Variants in DUS3L observed in about 807,000 individuals in gnomAD.
DUS3L encodes tRNA-dihydrouridine(47) synthase [NAD(P)(+)]-like.
DUS3L carries 62 observed loss-of-function variants against 74.6 expected under a neutral mutation model. The ratio of observed to expected loss-of-function variants is 0.83; its 90% confidence interval spans 0.68 to 1.03. The LOEUF (loss-of-function observed/expected upper bound fraction) is 1.03, where lower values mean the gene tolerates loss of function less well. DUS3L is among the 50% of genes least tolerant of loss of function. DUS3L has a pLI of 0.00. For synonymous variants in DUS3L, 433 were observed against 395.7 expected (o/e 1.09, Z -1.12); for missense variants, 884 against 924.4 (o/e 0.96, Z 0.57).
Position 5,785,748 on chromosome 19 carries a change from G to A in DUS3L, c.1606C>T (p.Gln536Ter). ...GACGACGAGATGTCCCAGTGCCGCT[G>A]CTCCTTGATCTCCGTGAAGAGCCAC... Reference protein sequence around the residue: ...KPWLFTEIKEQRHWDISSSER... With the variant: ...KPWLFTEIKE The change falls in exon 11 of 13, where the codon CAG becomes TAG. Residue 536 changes from glutamine (Q) to a stop codon, truncating the protein, a stop_gained. Coordinates refer to ENST00000309061, the MANE Select transcript of DUS3L (RefSeq NM_020175.3). LOFTEE classifies it high-confidence loss of function. The A allele has an allele frequency of 6.2e-7, 1 of 1,610,270 alleles. No individual in the cohort carries two copies. Among genetic ancestry groups the A allele is most frequent in the South Asian group, 1.1e-5 (1 of 90,672 alleles).
chr19:5,788,662 G>A (rs1003084488), intron 3 of DUS3L, among the ~76,000 whole-genome samples: 3 of 150,006 alleles, frequency 2.0e-5, no homozygotes, highest in South Asian at 2.1e-4. Flanking sequence ...TTTGTCCCCC[G>A]CTGCCCGACC....
intron 1 of DUS3L, 41 bp from the exon 2 acceptor site, chr19:5,790,376 C>A: frequency 6.2e-7 from 1 of 1,609,562 alleles, no homozygotes; most frequent in South Asian, 1.1e-5. Flanking sequence ...CGAACATAGT[C>A]AATAAACACT....
In DUS3L at chr19:5,789,200, C is replaced by T. The variant is rs201851480; in HGVS notation, c.900+7G>A. The T allele has an allele frequency of 3.3e-6, 5 of 1,525,320 alleles. No homozygotes were observed. The highest frequency in any genetic ancestry group is 3.5e-6 in the Non-Finnish European group (4 of 1,139,432). 94.5% of individuals were successfully genotyped at this position (1,525,320 alleles called of 1,614,324 possible). A position where few individuals can be genotyped will look rare whatever the true frequency, so the allele number is the denominator to read the frequency against. The stretch of plus-strand genomic sequence containing the variant: ...GATCTGCTACTGACGTTGTCCTCAA[C>T]ACGTACCCGCTTCTTCTCACAGGGC... On this transcript the variant is annotated splice_region_variant and intron_variant, in intron 3 of 12. Transcript: ENST00000309061.
chr19:5,788,176 A>G lies in DUS3L; in HGVS notation c.943T>C (p.Cys315Arg), dbSNP rs775009437. The change falls in exon 5 of 13, where the codon TGT becomes CGT. Residue 315 changes from cysteine (C) to arginine (R), a missense_variant and splice_region_variant. Coordinates refer to ENST00000309061, the MANE Select transcript of DUS3L (RefSeq NM_020175.3). ...GKLYLAPLTT[C>R]GNLPFRRICK... is the part of the protein sequence containing the mutation. ...ATCCGTCGGAAGGGCAGGTTCCCAC[A>G]CTGCGGGGGGAGCAGGACAGACACA... 4 of 1,613,388 alleles carry G rather than the reference A, an allele frequency of 2.5e-6. No individual in the cohort carries two copies. Among genetic ancestry groups the G allele is most frequent in the Non-Finnish European group, 3.4e-6 (4 of 1,180,010 alleles).
rs776687007 is a variant in DUS3L at position 5,789,626 on chromosome 19, G to A, written c.481C>T (p.Arg161Cys). ...LETKPADLGP[R>C]CVLFETFGRC... is the part of the protein sequence containing the mutation. ...CCGAAGGTCTCGAAGAGCACGCAGC[G>A]GGGGCCCAGGTCGGCCGGCTTGGTC... is the stretch of plus-strand genomic sequence containing the variant. The change falls in exon 3 of 13, where the codon CGC becomes TGC. Residue 161 changes from arginine to cysteine, a missense_variant. Coordinates refer to ENST00000309061, the MANE Select transcript of DUS3L (RefSeq NM_020175.3). 2 of 1,602,302 alleles carry A rather than the reference G, an allele frequency of 1.2e-6. No individual in the cohort carries two copies. Among genetic ancestry groups the A allele is most frequent in the African/African-American group, 1.3e-5 (1 of 74,856 alleles).
rs942516959 is a variant in DUS3L, at chr19:5,788,705, C to CTT, written c.901-309_901-308dup. ...TCTGAGACTTAGAGTGTGTCCAGCT[C>CTT]TTTTTTTTTTTTTTTTTTTGAGATA... On this transcript the variant is annotated intron_variant, in intron 3 of 12. Transcript: ENST00000309061. 4.1e-3 allele frequency among the ~76,000 whole-genome samples: 518 copies of CTT among 127,682 alleles called. 1 individual carries two copies. The highest frequency in any genetic ancestry group is 6.1e-3 in the Non-Finnish European group (377 of 61,472). 83.8% of individuals were successfully genotyped at this position (127,682 alleles called of 152,430 possible). A position where few individuals can be genotyped will look rare whatever the true frequency, so the allele number is the denominator to read the frequency against.
rs1420867116 is a variant in DUS3L at position 5,789,513 on chromosome 19, GGCC to G, written c.591_593del (p.Ala198del). Reference sequence around the variant, plus strand: ...GGATGGACGGGGGCTGGGTCCCGCGGGCCGCCAACTCCTCCTGCACCAGGTTCT... The same window carrying G: ...GGATGGACGGGGGCTGGGTCCCGCGGGCCAACTCCTCCTGCACCAGGTTCT... On this transcript the variant is annotated inframe_deletion, in exon 3 of 13. Transcript: ENST00000309061. The G allele has an allele frequency of 5.0e-6, 8 of 1,605,028 alleles. No individual in the cohort carries two copies. The highest frequency in any genetic ancestry group is 1.7e-5 in the Admixed American group (1 of 59,386).
In DUS3L at chr19:5,785,617, C is replaced by A; in HGVS notation, c.1737G>T (p.Leu579=). 6.2e-7 allele frequency: 1 copy of A among 1,607,136 alleles called. No homozygotes were observed. The highest frequency in any genetic ancestry group is 8.5e-7 in the Non-Finnish European group (1 of 1,176,784). The change falls in exon 11 of 13, where the codon CTG becomes CTT. Residue 579 remains leucine (L), a synonymous_variant. Coordinates refer to ENST00000309061, the MANE Select transcript of DUS3L (RefSeq NM_020175.3). Reference sequence around the variant, plus strand: ...CCGGTGCCCACCGGCACAGGAAGGACAGCCACTCGAGCAGAAAGCGCCGGG... The same window carrying A: ...CCGGTGCCCACCGGCACAGGAAGGAAAGCCACTCGAGCAGAAAGCGCCGGG... ...EKTRRFLLEW[L]SFLCRYVPVG... is the part of the protein sequence containing the mutation.
intron 3 of DUS3L, 70 bp downstream of exon 3, chr19:5,789,137 A>C (rs2056883289): frequency 6.7e-7 from 1 of 1,490,828 alleles, no homozygotes; most frequent in Non-Finnish European, 8.9e-7. Flanking sequence ...AGGAACGTGG[A>C]CACAGCTGGT....
At chr19:5,789,998 A>G in intron 2 of DUS3L, 49 bp downstream of exon 2, 1 of 1,601,942 alleles carries the variant, frequency 6.2e-7, no homozygotes, top group Non-Finnish European at 8.5e-7. Flanking sequence ...CAGGAAACAC[A>G]CCCTGCTCCT....
chr19:5,785,862 G>A, intron 10 of DUS3L, 71 bp from the exon 11 acceptor site: 1 of 1,461,356 alleles, frequency 6.8e-7, no homozygotes, highest in Non-Finnish European at 9.1e-7. Flanking sequence ...CTGCTTCCAT[G>A]GCCTGGCCTG....
chr19:5,791,080 C>T lies in DUS3L; in HGVS notation c.62G>A (p.Gly21Glu), dbSNP rs777172773. ...ENGGGGDSGAGALERGVAPIK... is the reference protein window; with the variant it reads ...ENGGGGDSGAEALERGVAPIK... ...GGGCGCCACTCCTCGTTCCAAAGCTCCGGCTCCCGAGTCGCCACCACCACC... is the reference window on the plus strand; with the variant it reads ...GGGCGCCACTCCTCGTTCCAAAGCTTCGGCTCCCGAGTCGCCACCACCACC... Residue 21 changes from glycine to glutamate, a missense_variant, in exon 1 of 13, where the codon GGA becomes GAA. Coordinates refer to ENST00000309061, the MANE Select transcript of DUS3L (RefSeq NM_020175.3). 1.2e-6 allele frequency: 2 copies of T among 1,607,998 alleles called. No homozygotes were observed. The highest frequency in any genetic ancestry group is 1.7e-6 in the Non-Finnish European group (2 of 1,177,802).
intron 11 of DUS3L, 40 bp from the exon 12 acceptor site, chr19:5,785,551 C>T (rs1052785756): frequency 4.0e-5 from 63 of 1,558,224 alleles, no homozygotes; most frequent in Non-Finnish European, 5.2e-5. Context: ...TGAGTCAGCT[C>T]TAACCAGCCG....
rs2056863923 is a variant in DUS3L, at chr19:5,787,355, C to T, written c.1219G>A (p.Gly407Ser). The T allele has an allele frequency of 6.2e-7, 1 of 1,609,286 alleles. No individual in the cohort carries two copies. The highest frequency in any genetic ancestry group is 2.2e-5 in the East Asian group (1 of 44,644). Reference protein sequence around the residue: ...PIDLVYKKGGGCALMNRSTKF... With the variant: ...PIDLVYKKGGSCALMNRSTKF... ...GTGGAGCGATTCATGAGGGCACAGC[C>T]CCCACCCTGGAAGAGACAGGCGGGT... Residue 407 changes from glycine (G) to serine (S), a missense_variant, in exon 7 of 13, where the codon GGC becomes AGC. Gly to Ser is a moderately conservative substitution (Grantham distance 56). Coordinates refer to ENST00000309061, the MANE Select transcript of DUS3L (RefSeq NM_020175.3).
rs1275705037 is a variant in DUS3L, at chr19:5,787,919, G to A, written c.1095+105C>T. ...AGGGCATCACCCCCACTCCACAGCT[G>A]AGGCCAGGGGGTCAGGGAGGCAACC... On this transcript the variant is annotated intron_variant, in intron 5 of 12. Transcript: ENST00000309061. 1.4e-5 allele frequency: 22 copies of A among 1,530,714 alleles called. No individual in the cohort carries two copies. In the East Asian group the frequency reaches 2.1e-4, roughly 15 times the overall value. The allele number at this position is 1,530,714 out of a possible 1,614,324, so 94.8% of individuals were successfully genotyped here.
intron 10 of DUS3L, chr19:5,786,019 G>T: frequency 1.8e-6 from 1 of 547,044 alleles, no homozygotes; most frequent in Non-Finnish European, 3.2e-6. Flanking sequence ...GTAAGATCTC[G>T]GCTCACTGTT....
intron 2 of DUS3L, 45 bp from the exon 3 acceptor site, chr19:5,789,764 G>C (rs373764536): frequency 6.4e-7 from 1 of 1,560,452 alleles, no homozygotes; most frequent in African/African-American, 1.4e-5. Context: ...GGGAGACCCC[G>C]GGGCAGCCCA....
Position 5,787,183 on chromosome 19 carries a change from T to TGGCAGGAGAC in DUS3L, c.1279-13_1279-12insGTCTCCTGCC. On this transcript the variant is annotated splice_polypyrimidine_tract_variant and intron_variant, in intron 7 of 12. Transcript: ENST00000309061. ...GGCACATCCAGCACCTACAGGACGGTGGTGGGAGGTGGTGGGAGATGGTGG... is the reference window on the plus strand; with the variant it reads ...GGCACATCCAGCACCTACAGGACGGTGGCAGGAGACGGTGGGAGGTGGTGGGAGATGGTGG... 7.6e-6 allele frequency: 1 copy of TGGCAGGAGAC among 130,956 alleles called. No homozygotes were observed. 8.1% of individuals were successfully genotyped at this position (130,956 alleles called of 1,614,324 possible).
chr19:5,788,217 GCACACA>G (rs113274115), intron 4 of DUS3L, 41 bp from the exon 5 acceptor site: 1 of 1,505,458 alleles, frequency 6.6e-7, no homozygotes, highest in African/African-American at 1.4e-5. Flanking sequence ...TCTTGCACGC[GCACACA>G]CACACACACA....
Sources: gnomAD v4.1 joint callset for allele counts (sites outside exome capture counted in the v4.1 genomes callset) on GRCh38, gnomAD v4.1.1 for gene constraint, MANE v1.5 for transcripts, NCBI Gene and HGNC (gene_info 2026-07-23, HGNC 2026-07-21) for gene names.